SUMF1: variants seen among roughly 807,000 people sequenced by gnomAD.
The protein encoded by SUMF1 is sulfatase modifying factor 1.
Under a neutral mutation model 47.6 loss-of-function variants are expected in SUMF1, and 48 were observed. That is an observed-to-expected ratio of 1.01 (90% CI 0.80 to 1.28). The LOEUF is 1.28. Among genes scored for constraint, SUMF1 ranks in the 50% most tolerant of loss-of-function variants. SUMF1 has a pLI of 0.00. For synonymous variants in SUMF1, 230 were observed against 192.1 expected, an observed-to-expected ratio of 1.20 and a Z score of -1.63; for missense variants, 571 against 485.4, an observed-to-expected ratio of 1.18 and a Z score of -1.66.
chr3:4,236,097 C>T (rs1696402805), intron 8 of SUMF1, among the ~76,000 whole-genome samples: 1 of 152,194 alleles, frequency 6.6e-6, no homozygotes, highest in South Asian at 2.1e-4. Flanking sequence ...GCATGCATCA[C>T]CACATCTTGC....
At chr3:4,457,373 T>G (rs2079691234) in intron 1 of SUMF1, among the ~76,000 whole-genome samples, 1 of 152,066 alleles carries the variant, frequency 6.6e-6, no homozygotes. Context: ...TCTAATGTCA[T>G]TTTTCAAGGA....
At chr3:4,401,982 G>T (rs1357368015) in intron 7 of SUMF1, among the ~76,000 whole-genome samples, 1 of 152,100 alleles carries the variant, frequency 6.6e-6, no homozygotes, top group Non-Finnish European at 1.5e-5. Context: ...GGAAATTCTT[G>T]AAACAGCTCT....
chr3:4,132,985 GA>G (rs961980230), intron 8 of SUMF1, among the ~76,000 whole-genome samples: 1 of 152,000 alleles, frequency 6.6e-6, no homozygotes, highest in South Asian at 2.1e-4. Context: ...ACTCCACCAG[GA>G]AAAAAACCAC....
Position 4,445,529 on chromosome 3 carries a change from G to A in SUMF1, c.519+3737C>T, listed in dbSNP as rs537253894. ...ATTTTTTGTATTTTTTGTAGAGATG[G>A]GGTCTCTCTCTCTCTCTCTTGCCCA... On this transcript the variant is annotated intron_variant, in intron 3 of 8. Transcript: ENST00000272902. 3.3e-4 allele frequency among the ~76,000 whole-genome samples: 50 copies of A among 152,130 alleles called. 1 individual carries two copies. In the East Asian group the frequency reaches 8.5e-3, roughly 26 times the overall value.
intron 8 of SUMF1, among the ~76,000 whole-genome samples, chr3:4,127,896 G>A (rs957209803): frequency 1.4e-4 from 22 of 152,076 alleles, no homozygotes; most frequent in African/African-American, 4.6e-4. Flanking sequence ...GATAGTCCTT[G>A]GCATGAACTG....
At chr3:4,118,633 A>C (rs1277430847) in intron 8 of SUMF1, among the ~76,000 whole-genome samples, 1 of 152,122 alleles carries the variant, frequency 6.6e-6, no homozygotes. Flanking sequence ...CACCATAGTA[A>C]CTACACTTAT....
At chr3:4,038,302 G>A (rs541629438) in intron 9 of SUMF1, among the ~76,000 whole-genome samples, 92 of 152,276 alleles carry the variant, frequency 6.0e-4, no homozygotes, top group Middle Eastern at 6.8e-3. Flanking sequence ...CCCAAGGCAG[G>A]GGTTCCCTGC....
chr3:4,430,473 T>C (rs1169055688), intron 3 of SUMF1, among the ~76,000 whole-genome samples: 3 of 152,126 alleles, frequency 2.0e-5, no homozygotes, highest in East Asian at 3.9e-4. Flanking sequence ...TAGTATACTA[T>C]GAAAATTTCT....
In SUMF1 at chr3:4,417,156, C is replaced by G. The variant is rs1301157813; in HGVS notation, c.812G>C (p.Gly271Ala). The change falls in exon 6 of 9, where the codon GGT becomes GCT. Residue 271 changes from glycine to alanine, a missense_variant. By Grantham distance (60) the Gly-to-Ala change is moderately conservative (BLOSUM62 0). Transcript: ENST00000272902. ...WQGEFPVTNT[G>A]EDGFQGTAPV... is the part of the protein sequence containing the mutation. The stretch of plus-strand genomic sequence containing the variant: ...CGCAGTTCCTTGGAAGCCATCCTCA[C>G]CAGTGTTGGTCACCGGAAACTCGCC... 6.2e-7 allele frequency: 1 copy of G among 1,613,956 alleles called. No homozygotes were observed. The highest frequency in any genetic ancestry group is 1.3e-5 in the African/African-American group (1 of 75,008).
chr3:4,158,636 T>A (rs1260741125), intron 8 of SUMF1, among the ~76,000 whole-genome samples: 2 of 151,552 alleles, frequency 1.3e-5, no homozygotes, highest in East Asian at 3.8e-4. Context: ...CAGATAGATA[T>A]GTGCTCATAT....
intron 8 of SUMF1, among the ~76,000 whole-genome samples, chr3:4,301,162 G>C (rs907693843): frequency 1.3e-5 from 2 of 152,178 alleles, no homozygotes; most frequent in African/African-American, 4.8e-5. Context: ...GGTAAAGAAA[G>C]ATACAGAGAA....
intron 8 of SUMF1, among the ~76,000 whole-genome samples, chr3:4,323,242 G>C (rs987657636): frequency 6.6e-6 from 1 of 152,128 alleles, no homozygotes; most frequent in Non-Finnish European, 1.5e-5. Flanking sequence ...CCTTGATATG[G>C]ATGACCCTTG....
At chr3:4,161,790 T>C (rs1164218702) in intron 8 of SUMF1, among the ~76,000 whole-genome samples, 1 of 152,066 alleles carries the variant, frequency 6.6e-6, no homozygotes, top group Non-Finnish European at 1.5e-5. Flanking sequence ...TTTGGTGCCC[T>C]ACCCCACTGT....
intron 9 of SUMF1, among the ~76,000 whole-genome samples, chr3:4,046,259 CTT>C (rs1308628958): frequency 6.6e-6 from 1 of 152,106 alleles, no homozygotes; most frequent in Non-Finnish European, 1.5e-5. Context: ...TTGAATGACT[CTT>C]AGGTTGAGAA....
intron 8 of SUMF1, among the ~76,000 whole-genome samples, chr3:4,103,572 G>A (rs529391985): frequency 9.3e-4 from 142 of 152,198 alleles, no homozygotes; most frequent in Non-Finnish European, 1.6e-3. Context: ...TTTGTCATTA[G>A]TGATTAGTGG....
At chr3:4,228,370 A>C (rs1480457138) in intron 8 of SUMF1, among the ~76,000 whole-genome samples, 3 of 151,980 alleles carry the variant, frequency 2.0e-5, no homozygotes, top group Non-Finnish European at 4.4e-5. Flanking sequence ...CTGGGCCCCA[A>C]TTCCCCTCAT....
At chr3:4,217,647 T>C (rs954855243) in intron 8 of SUMF1, among the ~76,000 whole-genome samples, 1 of 142,842 alleles carries the variant, frequency 7.0e-6, no homozygotes, top group African/African-American at 2.6e-5. Context: ...ACACAAGCTG[T>C]TTATTCTCCT....
chr3:4,137,074 A>G (rs1316827445), intron 8 of SUMF1, among the ~76,000 whole-genome samples: 4,023 of 151,802 alleles, frequency 0.027, 86 homozygotes, highest in African/African-American at 0.047. Context: ...CGATTCCTCA[A>G]GGATCTAGAA....
intron 8 of SUMF1, among the ~76,000 whole-genome samples, chr3:4,362,758 C>CA (rs935412904): frequency 3.9e-5 from 6 of 152,018 alleles, no homozygotes; most frequent in Non-Finnish European, 5.9e-5. Context: ...CCCATCTCTA[C>CA]AAAAAATTAG....
Sources: allele counts gnomAD v4.1 joint callset (sites outside exome capture counted in the v4.1 genomes callset), GRCh38; gene constraint gnomAD v4.1.1; transcripts MANE v1.5; gene names NCBI Gene and HGNC (gene_info 2026-07-23, HGNC 2026-07-21).